Variants in BTD observed in about 807,000 individuals in gnomAD.
The protein encoded by BTD is biotinidase, also known as biocytinase.
A neutral mutation model predicts 17.7 loss-of-function variants in BTD; 13 were observed. That is an observed-to-expected ratio of 0.74 (90% CI 0.48 to 1.17). BTD has a LOEUF of 1.17. BTD is among the 50% of genes most tolerant of loss of function. The pLI, the probability that BTD is intolerant of heterozygous loss-of-function variation, is 0.00. For synonymous variants in BTD, 240 were observed against 245.2 expected (o/e 0.98, Z 0.20); for missense variants, 674 against 650.4 (o/e 1.04, Z -0.39).
chr3:15,685,285 G>A, intron 3 of BTD: 1 of 1,613,954 alleles, frequency 6.2e-7, no homozygotes. Context: ...GGCTGGATTT[G>A]CATCCATAGA....
At chr3:15,684,658 G>A (rs2067902369) in intron 3 of BTD, 1 of 152,790 alleles carries the variant, frequency 6.5e-6, no homozygotes, top group Non-Finnish European at 1.5e-5. Flanking sequence ...GTCTGATGTG[G>A]GAGGATTGCT....
chr3:15,696,191 T>C (rs2470549), intron 3 of BTD: 897,885 of 1,579,676 alleles, frequency 0.57, 264,219 homozygotes, highest in Admixed American at 0.62. Context: ...CGTTGTATCC[T>C]TGCTTATCAC....
intron 3 of BTD, chr3:15,679,629 T>C: frequency 7.9e-7 from 1 of 1,268,122 alleles, no homozygotes; most frequent in Non-Finnish European, 1.1e-6. Flanking sequence ...CACAGGTACA[T>C]GTAAGTGTTT....
chr3:15,659,721 C>G (rs1331929552), intron 3 of BTD, among the ~76,000 whole-genome samples: 1 of 152,212 alleles, frequency 6.6e-6, no homozygotes, highest in African/African-American at 2.4e-5. Flanking sequence ...GCAAATCCCT[C>G]TTTTCTAAGA....
At chr3:15,614,142 A>C (rs963258791) in intron 1 of BTD, among the ~76,000 whole-genome samples, 6 of 122,560 alleles carry the variant, frequency 4.9e-5, no homozygotes, top group African/African-American at 2.0e-4. Flanking sequence ...TTTTTTTTTT[A>C]AGTCAAGGTC....
chr3:15,625,444 A>G lies in BTD; in HGVS notation c.-16-9980A>G, dbSNP rs186160694. Reference sequence around the variant, plus strand: ...GGGAGGATTTTTTTCTCCAGTCTTCATTGTGAGAACCTGGTAGAACTCCTA... The same window carrying G: ...GGGAGGATTTTTTTCTCCAGTCTTCGTTGTGAGAACCTGGTAGAACTCCTA... On this transcript the variant is annotated intron_variant, in intron 1 of 3. Transcript: ENST00000643237. Among the ~76,000 whole-genome samples, 9 of 152,300 alleles carry G rather than the reference A, an allele frequency of 5.9e-5. No individual in the cohort carries two copies. In the East Asian group the frequency reaches 1.3e-3, roughly 23 times the overall value.
At chr3:15,613,286 G>C (rs761547768) in intron 1 of BTD, among the ~76,000 whole-genome samples, 1 of 152,102 alleles carries the variant, frequency 6.6e-6, no homozygotes, top group South Asian at 2.1e-4. Flanking sequence ...CTCGTTCACT[G>C]TTCTCCCTGT....
intron 3 of BTD, among the ~76,000 whole-genome samples, chr3:15,701,352 AAAGAAGATT>A (rs1438808295): frequency 4.6e-5 from 7 of 152,322 alleles, no homozygotes; most frequent in African/African-American, 1.7e-4. Flanking sequence ...ATAATAAAAA[AAAGAAGATT>A]AAGCTGGGTG....
intron 3 of BTD, chr3:15,709,555 T>A: frequency 1.6e-6 from 1 of 635,210 alleles, no homozygotes; most frequent in South Asian, 2.4e-5. Flanking sequence ...CAATGAATCA[T>A]GATCAGTGTA....
downstream of BTD, among the ~76,000 whole-genome samples, chr3:15,714,980 T>G (rs1175889611): frequency 6.6e-6 from 1 of 152,162 alleles, no homozygotes; most frequent in East Asian, 1.9e-4. Context: ...TTCTGAATCC[T>G]TCCTTGACCA....
At chr3:15,642,833 T>C (rs1310046975) in intron 3 of BTD, among the ~76,000 whole-genome samples, 2 of 152,052 alleles carry the variant, frequency 1.3e-5, no homozygotes, top group South Asian at 2.1e-4. Context: ...TTTGTAAACA[T>C]GTTCAAGTTT....
Position 15,645,012 on chromosome 3 carries a change from T to C in BTD, c.1096T>C (p.Trp366Arg). 3 of 1,614,200 alleles carry C rather than the reference T, an allele frequency of 1.9e-6. No individual in the cohort carries two copies. The highest frequency in any genetic ancestry group is 2.5e-6 in the Non-Finnish European group (3 of 1,180,026). ...QEVHCDEATK[W>R]NVNAPPTFHS... ...AGTCCACTGTGATGAGGCCACCAAG[T>C]GGAACGTGAATGCTCCTCCCACATT... Residue 366 changes from tryptophan to arginine, a missense_variant, in exon 4 of 4, where the codon TGG becomes CGG. Coordinates refer to ENST00000643237, the MANE Select transcript of BTD (RefSeq NM_001370658.1).
At chr3:15,601,673 C>G (rs41284039), upstream of BTD, 41 of 1,554,348 alleles carry the variant, frequency 2.6e-5, no homozygotes, top group Non-Finnish European at 3.3e-5. Flanking sequence ...CGCGCGTTCT[C>G]CAATCAGAAC....
At chr3:15,708,172 T>C in intron 3 of BTD, 1 of 1,285,148 alleles carries the variant, frequency 7.8e-7, no homozygotes, top group Non-Finnish European at 1.1e-6. Flanking sequence ...TTATTTACAG[T>C]GAGACTTAGA....
At chr3:15,699,095 C>A (rs1341125063) in intron 3 of BTD, among the ~76,000 whole-genome samples, 1 of 152,172 alleles carries the variant, frequency 6.6e-6, no homozygotes, top group African/African-American at 2.4e-5. Context: ...CACACATCTA[C>A]AACCATCTGA....
chr3:15,670,304 T>G (rs1282392573), intron 3 of BTD: 1 of 1,613,208 alleles, frequency 6.2e-7, no homozygotes, highest in Non-Finnish European at 8.5e-7. Context: ...GTTGAGCTCA[T>G]CCACGTCAGT....
At chr3:15,625,876 C>T (rs2455916) in intron 1 of BTD, among the ~76,000 whole-genome samples, 77,080 of 152,112 alleles carry the variant, frequency 0.51, 22,728 homozygotes, top group African/African-American at 0.81. Flanking sequence ...TTTTATTTTG[C>T]ATATAAGTTC....
chr3:15,695,620 T>C (rs1399962372), intron 3 of BTD, among the ~76,000 whole-genome samples: 1 of 152,146 alleles, frequency 6.6e-6, no homozygotes, highest in Admixed American at 6.6e-5. Context: ...TGAATATCTT[T>C]TCCTTGACTT....
intron 3 of BTD, 83 bp from the exon 4 acceptor site, chr3:15,644,233 C>T (rs911783699): frequency 2.1e-6 from 3 of 1,424,122 alleles, no homozygotes; most frequent in Non-Finnish European, 9.7e-7. Flanking sequence ...ATCTCCTGAC[C>T]TCATGATCCA....
Sources: allele counts gnomAD v4.1 joint callset (sites outside exome capture counted in the v4.1 genomes callset), GRCh38; gene constraint gnomAD v4.1.1; transcripts MANE v1.5; gene names NCBI Gene and HGNC (gene_info 2026-07-23, HGNC 2026-07-21).